Variants in CLIC5 observed in about 807,000 individuals in gnomAD.
The protein encoded by CLIC5 is chloride intracellular channel protein 5.
A neutral mutation model predicts 24.7 loss-of-function variants in CLIC5; 20 were observed. The ratio of observed to expected loss-of-function variants is 0.81; its 90% CI spans 0.57 to 1.18. The LOEUF (loss-of-function observed/expected upper bound fraction) is 1.18, where lower values mean the gene tolerates loss of function less well. Ranked by LOEUF, CLIC5 falls within the 50% of genes most tolerant of loss-of-function variation. The probability of loss-of-function intolerance (pLI) is 0.00; values close to 1 mark genes in which losing one functional copy is unlikely to be tolerated. For synonymous variants in CLIC5, 159 were observed against 135.6 expected (o/e 1.17, Z -1.20); for missense variants, 341 against 326.1 (o/e 1.05, Z -0.35).
intron 1 of CLIC5, among the ~76,000 whole-genome samples, chr6:46,049,034 C>T (rs1049456713): frequency 6.6e-6 from 1 of 152,138 alleles, no homozygotes; most frequent in Non-Finnish European, 1.5e-5. Context: ...TTTCTCCAGG[C>T]CTCCTGTTTG....
In CLIC5 at chr6:45,979,007, G is replaced by A. The variant is rs1334243824; in HGVS notation, c.64-23763C>T. On this transcript the variant is annotated intron_variant, in intron 1 of 5. Coordinates refer to ENST00000339561, the MANE Select transcript of CLIC5 (RefSeq NM_016929.5). ...AGCTGTGGATCAGCCTTCCAAAGGAGCTCAACAGCCAGAGTTTGAAAAAAA... is the reference window on the plus strand; with the variant it reads ...AGCTGTGGATCAGCCTTCCAAAGGAACTCAACAGCCAGAGTTTGAAAAAAA... Among the ~76,000 whole-genome samples, 4 of 151,042 alleles carry A rather than the reference G, an allele frequency of 2.6e-5. No homozygotes were observed. The East Asian group carries it at 5.8e-4, about 22-fold the overall frequency.
At chr6:46,113,894 A>C in the CLIC5 span, among the ~76,000 whole-genome samples, 1 of 152,200 alleles carries the variant, frequency 6.6e-6, no homozygotes, top group African/African-American at 2.4e-5. Context: ...TAAGCCAAGG[A>C]GAGTGTCCCT....
chr6:45,938,249 C>T (rs1030692306), intron 4 of CLIC5, among the ~76,000 whole-genome samples: 14 of 152,182 alleles, frequency 9.2e-5, no homozygotes, highest in Admixed American at 2.0e-4. Context: ...GACCATCTCC[C>T]GGGTCAGGGG....
intron 1 of CLIC5, among the ~76,000 whole-genome samples, chr6:46,021,479 AT>A (rs992946627): frequency 1.3e-5 from 2 of 151,816 alleles, no homozygotes; most frequent in African/African-American, 2.4e-5. Context: ...TGGTACATAA[AT>A]TTTTTTTTAC....
intron 2 of CLIC5, among the ~76,000 whole-genome samples, chr6:45,952,515 CTG>C (rs1764506937): frequency 6.6e-6 from 1 of 152,208 alleles, no homozygotes; most frequent in South Asian, 2.1e-4. Context: ...TAAGAAGACA[CTG>C]TCTCCATTGT....
intron 4 of CLIC5, among the ~76,000 whole-genome samples, chr6:45,928,830 T>C (rs1404382546): frequency 6.6e-6 from 1 of 151,768 alleles, no homozygotes; most frequent in Non-Finnish European, 1.5e-5. Flanking sequence ...ATTTGGTTCC[T>C]ATGTGTAGAC....
chr6:45,919,499 C>T (rs1176409987), intron 4 of CLIC5, among the ~76,000 whole-genome samples: 2 of 152,004 alleles, frequency 1.3e-5, no homozygotes, highest in African/African-American at 4.8e-5. Context: ...CCCCCCACCA[C>T]CTCTCCTTTC....
chr6:46,027,812 G>A (rs1767382562), intron 1 of CLIC5, among the ~76,000 whole-genome samples: 1 of 152,150 alleles, frequency 6.6e-6, no homozygotes, highest in South Asian at 2.1e-4. Flanking sequence ...AGAAGGCCAG[G>A]ACTTGTGGAG....
Position 46,000,343 on chromosome 6 carries a change from T to G in CLIC5, c.63+15137A>C, listed in dbSNP as rs549016380. On this transcript the variant is annotated intron_variant, in intron 1 of 5. Transcript: ENST00000339561. ...TGTCTGTGTAATAATAAGATGATGG[T>G]GCACATGCTCCTTTGAAGGAGACAC... 5.3e-4 allele frequency among the ~76,000 whole-genome samples: 80 copies of G among 152,300 alleles called. 1 individual carries two copies. In the South Asian group the frequency reaches 0.01, roughly 19 times the overall value.
the CLIC5 span, among the ~76,000 whole-genome samples, chr6:46,092,438 T>C: frequency 6.7e-6 from 1 of 149,950 alleles, no homozygotes; most frequent in African/African-American, 2.5e-5. Flanking sequence ...TGTTTATTTT[T>C]CTAGAGTCAA....
intron 1 of CLIC5, among the ~76,000 whole-genome samples, chr6:46,076,865 C>T (rs559810383): frequency 9.9e-5 from 15 of 152,244 alleles, no homozygotes; most frequent in African/African-American, 3.6e-4. Context: ...TGGCTGGGCG[C>T]GGTGGCTCAT....
chr6:45,976,940 G>T (rs1369172715), intron 1 of CLIC5, among the ~76,000 whole-genome samples: 1 of 152,164 alleles, frequency 6.6e-6, no homozygotes, highest in East Asian at 1.9e-4. Context: ...TGTGCATATT[G>T]TCTTCCCATG....
chr6:46,028,142 G>C (rs1307281270), intron 1 of CLIC5, among the ~76,000 whole-genome samples: 2 of 152,190 alleles, frequency 1.3e-5, no homozygotes, highest in Non-Finnish European at 2.9e-5. Flanking sequence ...GCTGACCTAA[G>C]CTCTGCCTTA....
At chr6:45,911,253 T>G (rs1762808667) in intron 5 of CLIC5, among the ~76,000 whole-genome samples, 1 of 152,204 alleles carries the variant, frequency 6.6e-6, no homozygotes, top group South Asian at 2.1e-4. Flanking sequence ...CCTTAAATTC[T>G]CTCTGTTAAA....
downstream of CLIC5, chr6:45,880,922 C>T (rs963771673): frequency 3.6e-5 from 14 of 386,496 alleles, no homozygotes; most frequent in African/African-American, 2.5e-4. Context: ...GGTGACATTT[C>T]AAGAGCTAGA....
At chr6:46,059,484 G>A (rs1762175716) in intron 1 of CLIC5, among the ~76,000 whole-genome samples, 1 of 152,222 alleles carries the variant, frequency 6.6e-6, no homozygotes, top group South Asian at 2.1e-4. Flanking sequence ...CAAATAGCCT[G>A]AAGAATTGAG....
At chr6:46,053,122 T>C (rs1019425534) in intron 1 of CLIC5, among the ~76,000 whole-genome samples, 1 of 151,770 alleles carries the variant, frequency 6.6e-6, no homozygotes, top group Non-Finnish European at 1.5e-5. Flanking sequence ...AGAGGCCAAA[T>C]ACAGAAGGGT....
intron 6 of CLIC5, among the ~76,000 whole-genome samples, chr6:45,882,119 C>T (rs1252850571): frequency 1.3e-5 from 2 of 152,216 alleles, no homozygotes; most frequent in Non-Finnish European, 2.9e-5. Context: ...ACACTTGCGA[C>T]TTTTCTTTGA....
At chr6:45,936,234 C>T (rs1378527406) in intron 4 of CLIC5, among the ~76,000 whole-genome samples, 3 of 103,624 alleles carry the variant, frequency 2.9e-5, no homozygotes, top group African/African-American at 3.7e-5. Flanking sequence ...GATGGAGTTT[C>T]ACTCTTGTTG....
Sources: gnomAD v4.1 joint callset for allele counts (sites outside exome capture counted in the v4.1 genomes callset) on GRCh38, gnomAD v4.1.1 for gene constraint, MANE v1.5 for transcripts, NCBI Gene and HGNC (gene_info 2026-07-23, HGNC 2026-07-21) for gene names.